ATRNL1: variants seen among roughly 807,000 people sequenced by gnomAD.
ATRNL1 encodes attractin like 1.
ATRNL1 carries 95 observed loss-of-function variants against 182.7 expected under a neutral mutation model. The ratio of observed to expected loss-of-function variants is 0.52; its 90% CI spans 0.44 to 0.62. The LOEUF is 0.62. Among genes scored for constraint, ATRNL1 ranks in the 20% least tolerant of loss-of-function variants. ATRNL1 has a pLI of 0.00. For missense variants in ATRNL1, 1,471 were observed against 1,679.5 expected (o/e 0.88, Z 2.17); for synonymous variants, 576 against 568.3 (o/e 1.01, Z -0.19).
intron 8 of ATRNL1, 179 bp downstream of exon 8, chr10:115,171,471 A>C: frequency 2.0e-6 from 1 of 496,562 alleles, no homozygotes; most frequent in Non-Finnish European, 3.2e-6. Context: ...TTTAATATTT[A>C]AGCTTACCTT....
At chr10:115,096,511 C>A in intron 1 of ATRNL1, 1 of 440,816 alleles carries the variant, frequency 2.3e-6, no homozygotes, top group Non-Finnish European at 4.0e-6. Flanking sequence ...CACTAACTAT[C>A]TTGAAAATCT....
rs1555125106 is a variant in ATRNL1 at position 115,944,764 on chromosome 10, A to G, written c.4125A>G (p.Gln1375=). The G allele has an allele frequency of 6.2e-7, 1 of 1,613,434 alleles. No individual in the cohort carries two copies. The highest frequency in any genetic ancestry group is 1.3e-5 in the African/African-American group (1 of 74,912). The change falls in exon 29 of 29, where the codon CAA becomes CAG. Residue 1375 remains glutamine, a synonymous_variant. Transcript: ENST00000355044. ...ATCGAAAACACCTTTCAACACGTCA[A>G]GGAACTTGTGTCTGAGAAATGGAAA... ...VRNRKHLSTR[Q]GTCV is the part of the protein sequence containing the mutation.
At chr10:115,456,942 G>A (rs1293351846) in intron 21 of ATRNL1, among the ~76,000 whole-genome samples, 1 of 152,104 alleles carries the variant, frequency 6.6e-6, no homozygotes, top group Non-Finnish European at 1.5e-5. Context: ...GAGCAGGAAG[G>A]AATGGTGTGC....
chr10:115,384,854 T>TC (rs1564983757), intron 19 of ATRNL1, among the ~76,000 whole-genome samples: 2 of 139,684 alleles, frequency 1.4e-5, no homozygotes, highest in African/African-American at 5.7e-5. Context: ...TTAATTTCTC[T>TC]TTTTTTTTTT....
chr10:115,378,880 T>G (rs1341881332), intron 19 of ATRNL1, among the ~76,000 whole-genome samples: 3 of 152,178 alleles, frequency 2.0e-5, no homozygotes, highest in African/African-American at 7.2e-5. Context: ...TTACATGATA[T>G]CCTAACCTCT....
chr10:115,702,639 AC>A (rs1414340058), intron 26 of ATRNL1, among the ~76,000 whole-genome samples: 1 of 151,984 alleles, frequency 6.6e-6, no homozygotes, highest in African/African-American at 2.4e-5. Context: ...ATTTCTATAC[AC>A]CAGTAACATT....
intron 26 of ATRNL1, among the ~76,000 whole-genome samples, chr10:115,700,746 A>G (rs1459614989): frequency 3.3e-5 from 5 of 152,152 alleles, no homozygotes; most frequent in Non-Finnish European, 7.4e-5. Flanking sequence ...CAATTCAACA[A>G]AAAGACTTAA....
chr10:115,436,939 G>T (rs1846431634), intron 21 of ATRNL1, among the ~76,000 whole-genome samples: 1 of 152,026 alleles, frequency 6.6e-6, no homozygotes, highest in South Asian at 2.1e-4. Flanking sequence ...TAAGAGCTCT[G>T]AATGAGAATT....
intron 21 of ATRNL1, among the ~76,000 whole-genome samples, chr10:115,454,536 A>G (rs1433732273): frequency 6.6e-6 from 1 of 152,122 alleles, no homozygotes; most frequent in Non-Finnish European, 1.5e-5. Flanking sequence ...ATCCATGAAT[A>G]TGGGATGTCA....
chr10:115,343,343 G>A (rs532794154), intron 19 of ATRNL1, among the ~76,000 whole-genome samples: 100 of 152,058 alleles, frequency 6.6e-4, no homozygotes, highest in African/African-American at 2.3e-3. Flanking sequence ...TTCTGACAGC[G>A]TATTTTCAAA....
rs568143128 is a variant in ATRNL1 at position 115,448,945 on chromosome 10, A to T, written c.3323-12996A>T. Among the ~76,000 whole-genome samples the T allele has an allele frequency of 6.6e-5, 10 of 152,268 alleles. No individual in the cohort carries two copies. In the East Asian group the frequency reaches 1.7e-3, roughly 27 times the overall value. On this transcript the variant is annotated intron_variant, in intron 21 of 28. Transcript: ENST00000355044. Reference sequence around the variant, plus strand: ...GAATTCAACCAAGTGTACAAAGAAGAGCTGGTACTATTCCTACGGAAACTA... The same window carrying T: ...GAATTCAACCAAGTGTACAAAGAAGTGCTGGTACTATTCCTACGGAAACTA...
intron 28 of ATRNL1, among the ~76,000 whole-genome samples, chr10:115,929,040 A>G (rs1555120968): frequency 6.6e-6 from 1 of 152,022 alleles, no homozygotes; most frequent in Non-Finnish European, 1.5e-5. Context: ...TTGAATACTG[A>G]TCCTGAAAAA....
chr10:115,553,348 G>A (rs1554996087), intron 26 of ATRNL1, among the ~76,000 whole-genome samples: 1 of 151,278 alleles, frequency 6.6e-6, no homozygotes, highest in African/African-American at 2.4e-5. Flanking sequence ...GTGAGTCTGA[G>A]TATTTGAATA....
intron 26 of ATRNL1, among the ~76,000 whole-genome samples, chr10:115,630,847 C>G (rs575033210): frequency 5.0e-5 from 7 of 139,930 alleles, no homozygotes; most frequent in African/African-American, 2.1e-4. Context: ...CACACACACA[C>G]ACACACACAC....
At chr10:115,373,511 C>A (rs1243646166) in intron 19 of ATRNL1, among the ~76,000 whole-genome samples, 3 of 151,826 alleles carry the variant, frequency 2.0e-5, no homozygotes, top group African/African-American at 7.2e-5. Context: ...TATCTAACTT[C>A]TTTATTATGT....
At chr10:115,304,106 C>T (rs1306688746) in intron 17 of ATRNL1, among the ~76,000 whole-genome samples, 1 of 152,118 alleles carries the variant, frequency 6.6e-6, no homozygotes, top group Non-Finnish European at 1.5e-5. Context: ...GACCCTTTCT[C>T]TCCAGGAAAC....
chr10:115,100,465 G>GT (rs1286952952), intron 1 of ATRNL1, among the ~76,000 whole-genome samples: 1 of 152,058 alleles, frequency 6.6e-6, no homozygotes, highest in East Asian at 1.9e-4. Flanking sequence ...TCTAAATTCA[G>GT]TTTTTTGGCA....
chr10:115,477,558 A>C (rs1848589822), intron 24 of ATRNL1, among the ~76,000 whole-genome samples: 1 of 151,588 alleles, frequency 6.6e-6, no homozygotes, highest in Admixed American at 6.6e-5. Flanking sequence ...GTGCAAGAAA[A>C]AAAATTGTCC....
At chr10:115,515,739 G>A (rs1341798133) in intron 24 of ATRNL1, among the ~76,000 whole-genome samples, 7 of 151,582 alleles carry the variant, frequency 4.6e-5, no homozygotes, top group Non-Finnish European at 8.9e-5. Context: ...ATATTATTCT[G>A]TTTATATTAA....
Sources: allele counts gnomAD v4.1 joint callset (sites outside exome capture counted in the v4.1 genomes callset), GRCh38; gene constraint gnomAD v4.1.1; transcripts MANE v1.5; gene names NCBI Gene and HGNC (gene_info 2026-07-23, HGNC 2026-07-21).